Variants in EEF2 observed in about 807,000 individuals in gnomAD.
EEF2 encodes eukaryotic translation elongation factor 2, also known as elongation factor 2.
Under a neutral mutation model 85.3 loss-of-function variants are expected in EEF2, and 21 were observed. That is an observed-to-expected ratio of 0.25 (90% confidence interval 0.17 to 0.35). The LOEUF (loss-of-function observed/expected upper bound fraction) is 0.35, where lower values mean the gene tolerates loss of function less well. Ranked by LOEUF, EEF2 falls within the 10% of genes least tolerant of loss-of-function variation. The pLI is 1.00. For synonymous variants in EEF2, 723 were observed against 508.8 expected (o/e 1.42, Z -5.67); for missense variants, 825 against 1,225.3 (o/e 0.67, Z 4.88).
chr19:3,985,045 CA>C (rs2039802499), intron 1 of EEF2: 1 of 345,210 alleles, frequency 2.9e-6, no homozygotes, highest in South Asian at 1.5e-4. Context: ...CCGCGGGTTA[CA>C]TAAGGCGCCT....
chr19:3,978,562 T>C (rs1362462759), intron 11 of EEF2, among the ~76,000 whole-genome samples: 2 of 151,806 alleles, frequency 1.3e-5, no homozygotes, highest in East Asian at 1.9e-4. Context: ...TCCCAGCACT[T>C]TGGGAGGCCG....
chr19:3,981,231 G>A lies in EEF2; in HGVS notation c.1011+108C>T, dbSNP rs539282018. 4.4e-5 allele frequency: 52 copies of A among 1,178,088 alleles called. 1 individual carries two copies. The South Asian group carries it at 6.1e-4, about 14-fold the overall frequency. 73.0% of individuals were successfully genotyped at this position (1,178,088 alleles called of 1,614,324 possible). ...AGAGTCTAAAGCGAAAGGGGCAGCA[G>A]CTGTCCCTGCCCAGCTGAGGACTTC... On this transcript the variant is annotated intron_variant, in intron 7 of 14. Transcript: ENST00000309311.
At chr19:3,981,037 C>CGTA (rs1157270573) in intron 7 of EEF2, 58 bp from the exon 8 acceptor site, 61 of 1,527,274 alleles carry the variant, frequency 4.0e-5, no homozygotes, top group Non-Finnish European at 5.1e-5. Flanking sequence ...GGCCCCACCC[C>CGTA]GTACACGCTT....
At position 3,977,197 on chromosome 19, in the gene EEF2, C is replaced by T. The variant is rs2145355666; in HGVS notation, c.2383+18G>A. The stretch of plus-strand genomic sequence containing the variant: ...CCAGCCTGCCAGGCTCTGCAGGCCA[C>T]ACCGGGCAGGCACTCACCAAAGGAC... On this transcript the variant is annotated intron_variant, in intron 14 of 14. Coordinates refer to ENST00000309311, the MANE Select transcript of EEF2 (RefSeq NM_001961.4). The surrounding 1 kb of genome is among the most constrained non-coding windows in gnomAD (Gnocchi z 5.4). 4 of 1,610,870 alleles carry T rather than the reference C, an allele frequency of 2.5e-6. No homozygotes were observed. The highest frequency in any genetic ancestry group is 1.1e-5 in the South Asian group (1 of 90,846).
chr19:3,978,746 TGA>T (rs2145357897), intron 11 of EEF2, among the ~76,000 whole-genome samples: 1 of 129,024 alleles, frequency 7.8e-6, no homozygotes, highest in African/African-American at 2.9e-5. Flanking sequence ...GAGCTTGCAG[TGA>T]GCCAAGATCA....
rs975993428 is a variant in EEF2, at chr19:3,979,550, G to A, written c.1606-114C>T. 11 of 1,036,018 alleles carry A rather than the reference G, an allele frequency of 1.1e-5. No homozygotes were observed. The African/African-American group carries it at 1.4e-4, about 14-fold the overall frequency. The allele number at this position is 1,036,018 out of a possible 1,614,324, so 64.2% of individuals were successfully genotyped here. On this transcript the variant is annotated intron_variant, in intron 10 of 14. Transcript: ENST00000309311. ...GCCAGAACAAGATTTCAGGGAAGGT[G>A]CTGGGAAACTGGGACCAGCACAAAC...
Position 3,979,905 on chromosome 19 carries a change from G to C in EEF2, c.1508C>G (p.Pro503Arg). ...NMRVMKFSVS[P>R]VVRVAVEAKN... ...GGCCTCCACGGCCACTCTGACAACA[G>C]GGCTGACGCTGAACTTCATCACCCG... The change falls in exon 10 of 15, where the codon CCT becomes CGT. Residue 503 changes from proline to arginine, a missense_variant. Physicochemically the swap from Pro to Arg is moderately radical, Grantham distance 103. Coordinates refer to ENST00000309311, the MANE Select transcript of EEF2 (RefSeq NM_001961.4). The C allele has an allele frequency of 6.2e-7, 1 of 1,613,898 alleles. No homozygotes were observed. Among genetic ancestry groups the C allele is most frequent in the Non-Finnish European group, 8.5e-7 (1 of 1,180,048 alleles).
At position 3,980,559 on chromosome 19, in the gene EEF2, T is replaced by C. The variant is rs913001998; in HGVS notation, c.1301A>G (p.Tyr434Cys). Residue 434 changes from tyrosine (Y) to cysteine (C), a missense_variant, in exon 9 of 15, where the codon TAT (tyrosine) becomes TGT (cysteine). Coordinates refer to ENST00000309311, the MANE Select transcript of EEF2 (RefSeq NM_001961.4). Reference sequence around the variant, plus strand: ...GAGGTCCTCCTTCTTCCCAGGGGTATAGTTGGGCCCCATGATCCTGACCTT... The same window carrying C: ...GAGGTCCTCCTTCTTCCCAGGGGTACAGTTGGGCCCCATGATCCTGACCTT... The part of the protein sequence containing the change: ...GLKVRIMGPN[Y>C]TPGKKEDLYL... 3.7e-6 allele frequency: 6 copies of C among 1,614,188 alleles called. No individual in the cohort carries two copies. The highest frequency in any genetic ancestry group is 5.1e-6 in the Non-Finnish European group (6 of 1,180,006).
chr19:3,982,078 CAA>C, intron 5 of EEF2, 26 bp from the exon 6 acceptor site: 1 of 1,612,614 alleles, frequency 6.2e-7, no homozygotes, highest in Non-Finnish European at 8.5e-7. Context: ...CAAGCCAAAT[CAA>C]GTTAGGGTCT....
chr19:3,976,713 G>A lies in EEF2; in HGVS notation c.2418C>T (p.Gly806=). The change falls in exon 15 of 15, where the codon GGC becomes GGT. Residue 806 remains glycine (G), a synonymous_variant. Coordinates refer to ENST00000309311, the MANE Select transcript of EEF2 (RefSeq NM_001961.4). ...FTADLRSNTG[G]QAFPQCVFDH... ...CAAACACACACTGGGGGAACGCCTG[G>A]CCGCCCGTGTTGGACCTCAGGTCAG... The A allele has an allele frequency of 6.2e-7, 1 of 1,601,728 alleles. No individual in the cohort carries two copies.
Position 3,983,262 on chromosome 19 carries a change from T to C in EEF2, c.248A>G (p.Glu83Gly), listed in dbSNP as rs779082919. 1.9e-5 allele frequency: 31 copies of C among 1,613,730 alleles called. No homozygotes were observed. The highest frequency in any genetic ancestry group is 8.8e-5 in the South Asian group (8 of 91,060). ...TAISLFYELS[E>G]NDLNFIKQSK... ...CTGCTTGATGAAGTTCAAGTCATTC[T>C]CCGAGAGCTCGTAGAAGAGGGAGAT... The change falls in exon 3 of 15, where the codon GAG becomes GGG. Residue 83 changes from glutamate (E) to glycine (G), a missense_variant. Transcript: ENST00000309311.
At chr19:3,982,477 A>G in intron 4 of EEF2, 53 bp from the exon 5 acceptor site, 2 of 1,609,614 alleles carry the variant, frequency 1.2e-6, no homozygotes, top group Non-Finnish European at 1.7e-6. Flanking sequence ...GCAGAGCCTG[A>G]AGCTACGGGC....
At chr19:3,981,486 T>A in intron 6 of EEF2, 34 bp from the exon 7 acceptor site, 1 of 1,594,544 alleles carries the variant, frequency 6.3e-7, no homozygotes, top group South Asian at 1.1e-5. Flanking sequence ...GAAAGCCCAT[T>A]TGGGAACAGC....
At chr19:3,981,129 G>C in intron 7 of EEF2, 150 bp from the exon 8 acceptor site, 1 of 1,324,224 alleles carries the variant, frequency 7.6e-7, no homozygotes, top group South Asian at 1.5e-5. Flanking sequence ...CAAAGGCCAT[G>C]CACACTCCTG....
rs36526 is a variant in EEF2, at chr19:3,979,410, A to G, written c.1632T>C (p.His544=). The stretch of plus-strand genomic sequence containing the variant: ...GCAGCTCGCCGGCGCCCGCGATGAT[A>G]TGCTCTCCCGACTCCTCGATGATGC... The part of the protein sequence containing the change: ...VQCIIEESGE[H]IIAGAGELHL... The change falls in exon 11 of 15, where the codon CAT becomes CAC. Residue 544 remains histidine, a synonymous_variant. Transcript: ENST00000309311. 1,325,402 of 1,613,470 alleles carry G rather than the reference A, an allele frequency of 0.82. 546,462 individuals carry two copies. Among genetic ancestry groups the G allele is most frequent in the East Asian group, 0.99 (44,335 of 44,858 alleles).
intron 4 of EEF2, 54 bp from the exon 5 acceptor site, chr19:3,982,478 A>G: frequency 6.2e-7 from 1 of 1,610,558 alleles, no homozygotes; most frequent in Non-Finnish European, 8.5e-7. Flanking sequence ...CAGAGCCTGA[A>G]GCTACGGGCT....
At chr19:3,983,839 C>G in intron 2 of EEF2, 1 of 464,936 alleles carries the variant, frequency 2.2e-6, no homozygotes, top group Middle Eastern at 6.0e-4. Context: ...ACCCTCCCCT[C>G]CCAGGTGTGA....
At position 3,984,126 on chromosome 19, in the gene EEF2, G is replaced by A. The variant is rs752700018; in HGVS notation, c.218+10C>T. 2.0e-4 allele frequency: 315 copies of A among 1,613,120 alleles called. 1 individual carries two copies. Among genetic ancestry groups the A allele is most frequent in the Non-Finnish European group, 1.4e-5 (16 of 1,179,596 alleles). On this transcript the variant is annotated intron_variant, in intron 2 of 14. Transcript: ENST00000309311. ...TCCCTGCCTGGGTACAGAGGGCACA[G>A]GGAGCTCACGTTGACTTGATGGTGA...
chr19:3,979,265 G>A lies in EEF2; in HGVS notation c.1713+64C>T. The A allele has an allele frequency of 2.2e-6, 3 of 1,341,418 alleles. No individual in the cohort carries two copies. The Admixed American group carries it at 5.1e-5, about 23-fold the overall frequency. 83.1% of individuals were successfully genotyped at this position (1,341,418 alleles called of 1,614,324 possible). A position where few individuals can be genotyped will look rare whatever the true frequency, so the allele number is the denominator to read the frequency against. ...CGTCTGCAGAGCCTAGCTCAGCTCA[G>A]CTTTAAAGCAGAGGGCAGGTGTCCG... On this transcript the variant is annotated intron_variant, in intron 11 of 14. Transcript: ENST00000309311.
Sources: allele counts gnomAD v4.1 joint callset (sites outside exome capture counted in the v4.1 genomes callset), GRCh38; gene constraint gnomAD v4.1.1; non-coding constraint Gnocchi (gnomAD v3.1); transcripts MANE v1.5; gene names NCBI Gene and HGNC (gene_info 2026-07-23, HGNC 2026-07-21).